CFAP44: variants seen among roughly 807,000 people sequenced by gnomAD.
CFAP44 encodes cilia- and flagella-associated protein 44.
CFAP44 carries 134 observed loss-of-function variants against 216.2 expected under a neutral mutation model. That is an observed-to-expected ratio of 0.62 (90% CI 0.54 to 0.72). The LOEUF (loss-of-function observed/expected upper bound fraction) is 0.72. CFAP44 is among the 30% of genes least tolerant of loss of function. CFAP44 has a pLI of 0.00. For synonymous variants in CFAP44, 700 were observed against 727.6 expected, an observed-to-expected ratio of 0.96 and a Z score of 0.61; for missense variants, 2,035 against 2,182.1, an observed-to-expected ratio of 0.93 and a Z score of 1.34.
At chr3:113,299,112 A>G (rs1266530961) in intron 32 of CFAP44, among the ~76,000 whole-genome samples, 2 of 152,388 alleles carry the variant, frequency 1.3e-5, no homozygotes, top group East Asian at 3.9e-4. Flanking sequence ...AACAATCAAC[A>G]AAGTAAAAAG....
intron 15 of CFAP44, among the ~76,000 whole-genome samples, chr3:113,385,215 C>A (rs1933615084): frequency 1.3e-5 from 2 of 152,192 alleles, no homozygotes; most frequent in African/African-American, 4.8e-5. Flanking sequence ...GTCCATTAAA[C>A]CTCTTTTTAT....
chr3:113,352,352 G>C (rs13065651), intron 22 of CFAP44, among the ~76,000 whole-genome samples: 1 of 151,954 alleles, frequency 6.6e-6, no homozygotes, highest in South Asian at 2.1e-4. Flanking sequence ...TTGTTCTTTC[G>C]CTCTTCACAA....
chr3:113,441,386 T>G, intron 1 of CFAP44, 67 bp downstream of exon 1: 1 of 985,756 alleles, frequency 1.0e-6, no homozygotes, highest in South Asian at 4.7e-5. Context: ...TGGGGTTCAC[T>G]GCCCTCTGAG....
At chr3:113,367,331 C>T (rs140045020) in intron 18 of CFAP44, among the ~76,000 whole-genome samples, 2 of 152,312 alleles carry the variant, frequency 1.3e-5, no homozygotes, top group African/African-American at 2.4e-5. Flanking sequence ...CTCATACAGG[C>T]GGGTGCCCTT....
chr3:113,423,104 C>CTT (rs1934861225), intron 4 of CFAP44, among the ~76,000 whole-genome samples: 9 of 105,176 alleles, frequency 8.6e-5, no homozygotes, highest in African/African-American at 3.0e-4. Context: ...TCTGATCCTT[C>CTT]CTTTTTTTTT....
chr3:113,310,246 T>G (rs1056665019), intron 28 of CFAP44, among the ~76,000 whole-genome samples: 9 of 152,102 alleles, frequency 5.9e-5, no homozygotes, highest in African/African-American at 2.2e-4. Context: ...TAAGGTACTC[T>G]CCCCTCTCCC....
intron 15 of CFAP44, among the ~76,000 whole-genome samples, chr3:113,386,957 C>T (rs1203694737): frequency 6.6e-6 from 1 of 152,132 alleles, no homozygotes; most frequent in South Asian, 2.1e-4. Context: ...GCTTTGGGCA[C>T]AACTCAGCCA....
At chr3:113,400,787 A>G (rs1157087287) in intron 11 of CFAP44, 143 bp from the exon 12 acceptor site, 1 of 749,502 alleles carries the variant, frequency 1.3e-6, no homozygotes, top group African/African-American at 1.8e-5. Flanking sequence ...AAAGTTAGAA[A>G]GAACACTGGT....
intron 28 of CFAP44, among the ~76,000 whole-genome samples, chr3:113,313,789 C>T (rs1007187099): frequency 7.9e-5 from 12 of 152,238 alleles, no homozygotes; most frequent in Non-Finnish European, 1.8e-4. Context: ...GTGCCTTTTG[C>T]CTCCCACCAT....
At chr3:113,359,909 T>A (rs1023597901) in intron 21 of CFAP44, among the ~76,000 whole-genome samples, 4 of 152,280 alleles carry the variant, frequency 2.6e-5, no homozygotes, top group Non-Finnish European at 4.4e-5. Flanking sequence ...AAATCATTTT[T>A]AAAAATTTTG....
intron 9 of CFAP44, 125 bp from the exon 10 acceptor site, chr3:113,401,864 G>T: frequency 9.5e-7 from 1 of 1,054,286 alleles, no homozygotes; most frequent in Non-Finnish European, 1.3e-6. Flanking sequence ...AAGTAACAAT[G>T]AACAAGTGTG....
At chr3:113,329,887 T>C (rs979120288) in intron 26 of CFAP44, among the ~76,000 whole-genome samples, 2 of 152,172 alleles carry the variant, frequency 1.3e-5, no homozygotes, top group African/African-American at 4.8e-5. Flanking sequence ...TGACTTCAGT[T>C]AGATGCCAAG....
At chr3:113,340,093 T>C (rs972499585) in intron 24 of CFAP44, among the ~76,000 whole-genome samples, 3 of 152,156 alleles carry the variant, frequency 2.0e-5, no homozygotes, top group Non-Finnish European at 4.4e-5. Context: ...TCGTGACTGT[T>C]GGGCTCGACC....
chr3:113,330,845 C>A (rs1437559258), intron 25 of CFAP44, among the ~76,000 whole-genome samples, 177 bp from the exon 26 acceptor site: 1 of 151,932 alleles, frequency 6.6e-6, no homozygotes, highest in Non-Finnish European at 1.5e-5. Flanking sequence ...GGATTTTTTC[C>A]ATTTAGGCCC....
chr3:113,296,648 G>T, intron 33 of CFAP44, 77 bp downstream of exon 33: 5 of 1,477,424 alleles, frequency 3.4e-6, no homozygotes, highest in Non-Finnish European at 4.5e-6. Flanking sequence ...ATGCTTCATG[G>T]GTACCACTTC....
In CFAP44 at chr3:113,304,031, T is replaced by A; in HGVS notation, c.4962A>T (p.Glu1654Asp). 2.0e-6 allele frequency: 3 copies of A among 1,537,402 alleles called. No individual in the cohort carries two copies. The highest frequency in any genetic ancestry group is 2.6e-6 in the Non-Finnish European group (3 of 1,146,950). ...TTTCCTCCTGGAGCTCATGGATTCG[T>A]TCTTGCAGCCGTCTCAAGGCATGGT... Reference protein sequence around the residue: ...FSNHALRRLQERIHELQEENS... With the variant: ...FSNHALRRLQDRIHELQEENS... The change falls in exon 32 of 35, where the codon GAA becomes GAT. Residue 1654 changes from glutamate (E) to aspartate (D), a missense_variant. Coordinates refer to ENST00000393845, the MANE Select transcript of CFAP44 (RefSeq NM_001164496.2).
At position 113,288,165 on chromosome 3, in the gene CFAP44, G is replaced by C. The variant is rs1046814450; in HGVS notation, c.*3392C>G. On this transcript the variant is annotated 3_prime_UTR_variant, in exon 35 of 35. Transcript: ENST00000393845. The stretch of plus-strand genomic sequence containing the variant: ...TTGAGACAATCTCGTTAAGTGGGGG[G>C]CCAGACCCTGGCTTTTAAACATGAA... The C allele has an allele frequency of 6.6e-6, 1 of 152,128 alleles. No individual in the cohort carries two copies. Among genetic ancestry groups the C allele is most frequent in the Non-Finnish European group, 1.5e-5 (1 of 68,024 alleles). 9.4% of individuals were successfully genotyped at this position (152,128 alleles called of 1,614,324 possible).
intron 24 of CFAP44, among the ~76,000 whole-genome samples, chr3:113,334,673 A>C (rs952654068): frequency 1.3e-5 from 2 of 152,214 alleles, no homozygotes; most frequent in African/African-American, 4.8e-5. Flanking sequence ...TTGAAAAAAA[A>C]ATGCTTAAAC....
chr3:113,353,390 T>C (rs1950463076), intron 22 of CFAP44, among the ~76,000 whole-genome samples: 1 of 148,286 alleles, frequency 6.7e-6, no homozygotes, highest in South Asian at 2.1e-4. Flanking sequence ...TTAAATAAAA[T>C]AAAGAACAGC....
Sources: gnomAD v4.1 joint callset for allele counts (sites outside exome capture counted in the v4.1 genomes callset) on GRCh38, gnomAD v4.1.1 for gene constraint, MANE v1.5 for transcripts, NCBI Gene and HGNC (gene_info 2026-07-23, HGNC 2026-07-21) for gene names.